MROH1: variants seen among roughly 807,000 people sequenced by gnomAD.
The protein encoded by MROH1 is maestro heat like repeat family member 1.
In MROH1, 117 loss-of-function variants were observed where a neutral mutation model predicts 116.5. The observed-to-expected ratio is 1.00, with a 90% CI of 0.86 to 1.17. The LOEUF (loss-of-function observed/expected upper bound fraction) is 1.17, where lower values mean the gene tolerates loss of function less well. MROH1 is among the 50% of genes most tolerant of loss of function. MROH1 has a pLI of 0.00. For synonymous variants in MROH1, 921 were observed against 583.9 expected, an observed-to-expected ratio of 1.58 and a Z score of -8.32; for missense variants, 1,873 against 1,338.5, an observed-to-expected ratio of 1.40 and a Z score of -6.23.
At chr8:144,212,881 G>T (rs955204673) in intron 12 of MROH1, 2 of 627,314 alleles carry the variant, frequency 3.2e-6, no homozygotes, top group Non-Finnish European at 5.9e-6. Context: ...ATGAGCCACC[G>T]CATCTAACCT....
chr8:144,164,350 A>G (rs1257739912), intron 3 of MROH1, among the ~76,000 whole-genome samples: 1 of 148,172 alleles, frequency 6.7e-6, no homozygotes, highest in Non-Finnish European at 1.5e-5. Context: ...GGTTGCAGTG[A>G]GCCGAGATCG....
intron 13 of MROH1, among the ~76,000 whole-genome samples, chr8:144,221,168 G>T (rs1267689150): frequency 1.3e-5 from 2 of 152,184 alleles, no homozygotes; most frequent in South Asian, 4.1e-4. Context: ...GGAAGCTCCT[G>T]CCTTGGGGTC....
chr8:144,197,502 C>A (rs1830195976), intron 10 of MROH1, among the ~76,000 whole-genome samples: 1 of 135,700 alleles, frequency 7.4e-6, no homozygotes, highest in African/African-American at 2.9e-5. Context: ...GTGGCGCGAT[C>A]TTGGCTCACT....
intron 12 of MROH1, chr8:144,213,883 TC>T (rs1564492311): frequency 6.6e-6 from 1 of 152,258 alleles, no homozygotes; most frequent in East Asian, 1.9e-4. Flanking sequence ...AGCATTGTTA[TC>T]GAAGTCTGAT....
At position 144,180,947 on chromosome 8, in the gene MROH1, A is replaced by ACAGCC. The variant is rs140231374; in HGVS notation, c.562+426_562+430dup. Among the ~76,000 whole-genome samples, 2,561 of 152,188 alleles carry ACAGCC rather than the reference A, an allele frequency of 0.017. 63 individuals carry two copies. Among genetic ancestry groups the ACAGCC allele is most frequent in the African/African-American group, 0.056 (2,342 of 41,526 alleles). On this transcript the variant is annotated intron_variant, in intron 7 of 43. Coordinates refer to ENST00000326134, the MANE Select transcript of MROH1 (RefSeq NM_032450.3). This position sits in a 1 kb window ranked among gnomAD's most constrained non-coding sequence, Gnocchi z 7.4. ...AGCCCCATTCCTGGCAGCACTGCCC[A>ACAGCC]CAGCCCTCTGTGTGCCTGGCAGGGG...
chr8:144,235,990 C>T (rs1255270730), intron 14 of MROH1, among the ~76,000 whole-genome samples: 1 of 152,206 alleles, frequency 6.6e-6, no homozygotes, highest in African/African-American at 2.4e-5. Flanking sequence ...GGAAATTCTA[C>T]ATGGAGACCA....
At chr8:144,237,063 G>A (rs1478660197) in intron 14 of MROH1, among the ~76,000 whole-genome samples, 3 of 151,482 alleles carry the variant, frequency 2.0e-5, no homozygotes, top group African/African-American at 4.8e-5. Flanking sequence ...CCGCCACCAC[G>A]CCCGGCTAAT....
rs753790020 is a variant in MROH1 at position 144,180,377 on chromosome 8, G to C, written c.463+37G>C. The C allele has an allele frequency of 1.3e-5, 21 of 1,609,972 alleles. No individual in the cohort carries two copies. In the Admixed American group the frequency reaches 3.5e-4, roughly 27 times the overall value. On this transcript the variant is annotated intron_variant, in intron 6 of 43. Coordinates refer to ENST00000326134, the MANE Select transcript of MROH1 (RefSeq NM_032450.3). The surrounding 1 kb of genome is among the most constrained non-coding windows in gnomAD (Gnocchi z 7.4). ...GCGGCCTGCCCCAGGAGGAGCACGG[G>C]GCGCTGGAAGCCTTGGCGGAGGCCT...
chr8:144,223,564 C>T (rs1206864101), intron 14 of MROH1, among the ~76,000 whole-genome samples: 2 of 152,178 alleles, frequency 1.3e-5, no homozygotes, highest in Non-Finnish European at 2.9e-5. Context: ...CTGCATTGAG[C>T]CAGTCCTCTC....
intron 31 of MROH1, among the ~76,000 whole-genome samples, chr8:144,248,614 T>C (rs1233834838): frequency 1.3e-5 from 2 of 152,314 alleles, no homozygotes; most frequent in East Asian, 1.9e-4. Flanking sequence ...GGGAGGGTAC[T>C]GTGACCCCAG....
chr8:144,195,738 T>C (rs2131685155), intron 10 of MROH1, among the ~76,000 whole-genome samples: 1 of 152,088 alleles, frequency 6.6e-6, no homozygotes, highest in East Asian at 2.0e-4. Flanking sequence ...AGGGTCTCGC[T>C]TTGTCACACA....
chr8:144,241,093 G>A lies in MROH1; in HGVS notation c.2037G>A (p.Gln679=), dbSNP rs1840893060. 5.2e-6 allele frequency: 4 copies of A among 771,710 alleles called. No individual in the cohort carries two copies. In the Admixed American group the frequency reaches 5.2e-5, roughly 10 times the overall value. 47.8% of individuals were successfully genotyped at this position (771,710 alleles called of 1,614,324 possible). A position where few individuals can be genotyped will look rare whatever the true frequency, so the allele number is the denominator to read the frequency against. The change falls in exon 21 of 44, where the codon CAG becomes CAA. Residue 679 remains glutamine, a synonymous_variant. Transcript: ENST00000326134. ...LQELLETARY[Q]EEAEREGLAC... ...AGCTGCTGGAGACGGCCAGATACCAGGAGGAGGCAGAACGCGAGGTGGGGC... is the reference window on the plus strand; with the variant it reads ...AGCTGCTGGAGACGGCCAGATACCAAGAGGAGGCAGAACGCGAGGTGGGGC...
At chr8:144,150,954 A>G (rs1395190939) in intron 1 of MROH1, among the ~76,000 whole-genome samples, 2 of 151,928 alleles carry the variant, frequency 1.3e-5, no homozygotes, top group Non-Finnish European at 2.9e-5. Flanking sequence ...GCCTATATAA[A>G]CCTGAGACCC....
Position 144,162,963 on chromosome 8 carries a change from T to A in MROH1, c.-56-808T>A, listed in dbSNP as rs190424473. Among the ~76,000 whole-genome samples, 1,405 of 152,194 alleles carry A rather than the reference T, an allele frequency of 9.2e-3. 22 individuals carry two copies. Among genetic ancestry groups the A allele is most frequent in the African/African-American group, 0.033 (1,354 of 41,510 alleles). On this transcript the variant is annotated intron_variant, in intron 2 of 43. Transcript: ENST00000326134. ...GTCTCGAACTCCTGACCTCAAACAA[T>A]CCACCCACCTTGGCCTCCCAAAGTG...
At chr8:144,244,981 G>A (rs1262480680) in intron 28 of MROH1, among the ~76,000 whole-genome samples, 175 bp from the exon 29 acceptor site, 1 of 152,204 alleles carries the variant, frequency 6.6e-6, no homozygotes, top group Non-Finnish European at 1.5e-5. Flanking sequence ...CAGAGTGGCA[G>A]GGCCAGAGGA....
chr8:144,199,215 C>T lies in MROH1; in HGVS notation c.1027+15C>T. 1 of 1,609,494 alleles carries T rather than the reference C, an allele frequency of 6.2e-7. No homozygotes were observed. The highest frequency in any genetic ancestry group is 8.5e-7 in the Non-Finnish European group (1 of 1,177,996). Reference sequence around the variant, plus strand: ...CACTGTGCTGGGTGAGTGGTGGGCCCAGCTTTGCCCATGGGCATCTGTGGA... The same window carrying T: ...CACTGTGCTGGGTGAGTGGTGGGCCTAGCTTTGCCCATGGGCATCTGTGGA... On this transcript the variant is annotated intron_variant, in intron 11 of 43. Coordinates refer to ENST00000326134, the MANE Select transcript of MROH1 (RefSeq NM_032450.3).
intron 33 of MROH1, chr8:144,251,927 G>T: frequency 4.9e-6 from 1 of 203,638 alleles, no homozygotes; most frequent in South Asian, 5.5e-5. Context: ...CAGTGCTGCT[G>T]CCCATCCTTC....
At chr8:144,253,865 G>A (rs973639566) in intron 33 of MROH1, among the ~76,000 whole-genome samples, 3 of 152,118 alleles carry the variant, frequency 2.0e-5, no homozygotes, top group East Asian at 1.9e-4. Context: ...TGAGAGCCAG[G>A]TGAAGTCTCC....
intron 7 of MROH1, among the ~76,000 whole-genome samples, chr8:144,188,435 G>A (rs1272672022): frequency 6.8e-6 from 1 of 147,322 alleles, no homozygotes; most frequent in Non-Finnish European, 1.5e-5. Flanking sequence ...TGGGTCAGGT[G>A]CTACCACTGC....
Sources: gnomAD v4.1 joint callset for allele counts (sites outside exome capture counted in the v4.1 genomes callset) on GRCh38, gnomAD v4.1.1 for gene constraint, Gnocchi (gnomAD v3.1) non-coding constraint, MANE v1.5 for transcripts, NCBI Gene and HGNC (gene_info 2026-07-23, HGNC 2026-07-21) for gene names.